The following ARID5B variants were observed in gnomAD, a reference collection of about 807,000 sequenced individuals.
ARID5B encodes AT-rich interaction domain 5B.
In ARID5B, 13 loss-of-function variants were observed where a neutral mutation model predicts 97.2. The observed-to-expected ratio is 0.13, with a 90% CI of 0.09 to 0.21. The LOEUF is 0.21. Among genes scored for constraint, ARID5B ranks in the 10% least tolerant of loss-of-function variants. The pLI, the probability that ARID5B is intolerant of heterozygous loss-of-function variation, is 1.00. For missense variants in ARID5B, 1,210 were observed against 1,465.3 expected, an observed-to-expected ratio of 0.83 and a Z score of 2.84; for synonymous variants, 556 against 570.3, an observed-to-expected ratio of 0.97 and a Z score of 0.36.
At chr10:62,080,822 C>CTTTTTTTTTTT (rs908868547) in intron 8 of ARID5B, among the ~76,000 whole-genome samples, 1 of 147,168 alleles carries the variant, frequency 6.8e-6, no homozygotes, top group Non-Finnish European at 1.5e-5. Context: ...ATAGTAGTGC[C>CTTTTTTTTTTT]TTTTTTTTTT....
chr10:62,059,811 G>T (rs971041224), intron 7 of ARID5B, among the ~76,000 whole-genome samples: 1 of 152,118 alleles, frequency 6.6e-6, no homozygotes, highest in Non-Finnish European at 1.5e-5. Context: ...TTCGGAACAG[G>T]CTCTGACACT....
chr10:62,002,462 G>A (rs1839091643), intron 4 of ARID5B, among the ~76,000 whole-genome samples: 1 of 152,122 alleles, frequency 6.6e-6, no homozygotes, highest in Non-Finnish European at 1.5e-5. Flanking sequence ...ACATTTTTTA[G>A]TTGTTTGTAC....
intron 3 of ARID5B, among the ~76,000 whole-genome samples, chr10:61,986,322 T>C (rs560752033): frequency 1.1e-4 from 16 of 152,276 alleles, no homozygotes; most frequent in African/African-American, 3.4e-4. Context: ...TCTAAGCACA[T>C]GAAAGGGCTT....
At chr10:62,025,212 C>T (rs990959052) in intron 4 of ARID5B, 9 of 152,176 alleles carry the variant, frequency 5.9e-5, no homozygotes, top group African/African-American at 2.2e-4. Flanking sequence ...TAACTGATCA[C>T]ATAAAATTAT....
chr10:62,057,217 A>G lies in ARID5B; in HGVS notation c.947A>G (p.Glu316Gly), dbSNP rs771683807. Residue 316 changes from glutamate to glycine, a missense_variant, in exon 6 of 10, where the codon GAG (glutamate) becomes GGG (glycine). Physicochemically the swap from Glu to Gly is moderately conservative, Grantham distance 98 (BLOSUM62 -2). Transcript: ENST00000279873. ...AAACCAAAGGTTGCCATTGGTGAAG[A>G]GTGCAGGGCAGATGAACAAGCCTTC... ...EEKPKVAIGE[E>G]CRADEQAFLV... is the part of the protein sequence containing the mutation. 2 of 1,607,038 alleles carry G rather than the reference A, an allele frequency of 1.2e-6. No individual in the cohort carries two copies. Among genetic ancestry groups the G allele is most frequent in the African/African-American group, 1.3e-5 (1 of 74,550 alleles).
At chr10:62,047,824 G>GT (rs1463432264) in intron 4 of ARID5B, among the ~76,000 whole-genome samples, 2 of 152,168 alleles carry the variant, frequency 1.3e-5, no homozygotes, top group African/African-American at 4.8e-5. Flanking sequence ...AATTTTTGCT[G>GT]TCCCCAAAGC....
intron 3 of ARID5B, among the ~76,000 whole-genome samples, chr10:61,999,307 G>T (rs1839044063): frequency 6.6e-6 from 1 of 152,176 alleles, no homozygotes; most frequent in African/African-American, 2.4e-5. Flanking sequence ...CTTTCTATGG[G>T]GTTACAGCCC....
At chr10:61,952,052 G>C (rs894649668) in intron 3 of ARID5B, among the ~76,000 whole-genome samples, 1 of 152,098 alleles carries the variant, frequency 6.6e-6, no homozygotes, top group Non-Finnish European at 1.5e-5. Flanking sequence ...TGTAGGGGGG[G>C]ATCGCTGGTT....
At chr10:62,011,983 AG>A (rs1011104109) in intron 4 of ARID5B, among the ~76,000 whole-genome samples, 1 of 151,476 alleles carries the variant, frequency 6.6e-6, no homozygotes, top group Non-Finnish European at 1.5e-5. Flanking sequence ...TCATCCCCTT[AG>A]TACCATATTT....
intron 2 of ARID5B, among the ~76,000 whole-genome samples, chr10:61,910,538 C>T (rs1357984078): frequency 6.6e-6 from 1 of 152,146 alleles, no homozygotes; most frequent in East Asian, 1.9e-4. Flanking sequence ...TGCACAAATC[C>T]AAGGATGCAT....
At chr10:62,030,237 C>A (rs181555222) in intron 4 of ARID5B, among the ~76,000 whole-genome samples, 1 of 152,038 alleles carries the variant, frequency 6.6e-6, no homozygotes, top group East Asian at 1.9e-4. Flanking sequence ...TCAAGCGATT[C>A]TCCTGTCTCA....
intron 1 of ARID5B, 72 bp from the exon 2 acceptor site, chr10:61,902,087 A>G: frequency 6.4e-7 from 1 of 1,571,408 alleles, no homozygotes; most frequent in Non-Finnish European, 8.7e-7. Flanking sequence ...CTGTGTGTAA[A>G]TGTGTCTGGG....
chr10:61,903,316 G>T (rs1843650282), intron 2 of ARID5B, among the ~76,000 whole-genome samples: 1 of 151,962 alleles, frequency 6.6e-6, no homozygotes, highest in Non-Finnish European at 1.5e-5. Flanking sequence ...CGGCCGCGGG[G>T]GCGCTCGCCG....
intron 9 of ARID5B, among the ~76,000 whole-genome samples, chr10:62,090,259 T>C (rs1017556445): frequency 1.3e-5 from 2 of 152,254 alleles, no homozygotes; most frequent in Non-Finnish European, 2.9e-5. Context: ...GAAATCTTCA[T>C]ACTTTGTCAA....
chr10:62,021,576 G>A lies in ARID5B; in HGVS notation c.733+21255G>A, dbSNP rs117354112. On this transcript the variant is annotated intron_variant, in intron 4 of 9. Coordinates refer to ENST00000279873, the MANE Select transcript of ARID5B (RefSeq NM_032199.3). ...TTAGAGAATCCAGATTATGGTCAGC[G>A]ATATTTACCAAGAAGTATCTCCTTT... Among the ~76,000 whole-genome samples the A allele has an allele frequency of 1.2e-4, 19 of 152,310 alleles. No homozygotes were observed. In the East Asian group the frequency reaches 2.7e-3, roughly 22 times the overall value.
intron 4 of ARID5B, among the ~76,000 whole-genome samples, chr10:62,010,529 G>A (rs1230657180): frequency 2.0e-5 from 3 of 152,106 alleles, no homozygotes; most frequent in East Asian, 1.9e-4. Flanking sequence ...TAAGTATTTC[G>A]TGACCTCAGT....
At chr10:62,075,580 C>G (rs1840119930) in intron 8 of ARID5B, among the ~76,000 whole-genome samples, 1 of 152,238 alleles carries the variant, frequency 6.6e-6, no homozygotes, top group Non-Finnish European at 1.5e-5. Flanking sequence ...CGCCACATGT[C>G]TGCTCCCTTT....
chr10:62,009,044 G>A (rs996412645), intron 4 of ARID5B, among the ~76,000 whole-genome samples: 5 of 151,942 alleles, frequency 3.3e-5, no homozygotes, highest in African/African-American at 7.2e-5. Flanking sequence ...ATTAAATTTC[G>A]CTTGCCATGA....
intron 3 of ARID5B, among the ~76,000 whole-genome samples, chr10:61,972,090 G>T (rs1838635319): frequency 6.6e-6 from 1 of 151,752 alleles, no homozygotes; most frequent in African/African-American, 2.4e-5. Flanking sequence ...GAAACAGAAA[G>T]AAAAAAATTA....
Sources: allele counts gnomAD v4.1 joint callset (sites outside exome capture counted in the v4.1 genomes callset), GRCh38; gene constraint gnomAD v4.1.1; transcripts MANE v1.5; gene names NCBI Gene and HGNC (gene_info 2026-07-23, HGNC 2026-07-21).